The following ANK3 variants were observed in gnomAD, a reference collection of about 807,000 sequenced individuals.
ANK3 encodes ankyrin-3.
ANK3 carries 57 observed loss-of-function variants against 370.9 expected under a neutral mutation model. The observed-to-expected ratio is 0.15, with a 90% CI of 0.12 to 0.19. The LOEUF (loss-of-function observed/expected upper bound fraction) is 0.19, where lower values mean the gene tolerates loss of function less well. ANK3 is among the 10% of genes least tolerant of loss of function. The probability of loss-of-function intolerance (pLI) is 1.00; values close to 1 mark genes in which losing one functional copy is unlikely to be tolerated. For synonymous variants in ANK3, 1,929 were observed against 1,946.3 expected (o/e 0.99, Z 0.23); for missense variants, 4,439 against 5,302.1 (o/e 0.84, Z 5.06).
At chr10:60,410,704 T>C (rs966581621) in intron 2 of ANK3, among the ~76,000 whole-genome samples, 2 of 152,126 alleles carry the variant, frequency 1.3e-5, no homozygotes, top group Non-Finnish European at 2.9e-5. Flanking sequence ...TCTCAATCTG[T>C]TGCCCAAGCT....
At chr10:60,196,286 T>C (rs764970710) in intron 15 of ANK3, 43 bp from the exon 16 acceptor site, 2 of 1,553,550 alleles carry the variant, frequency 1.3e-6, no homozygotes, top group African/African-American at 2.7e-5. Context: ...CAAAGGTGTC[T>C]TAAAACCAGA....
chr10:60,539,253 T>A (rs2076792526), intron 2 of ANK3, among the ~76,000 whole-genome samples: 1 of 151,976 alleles, frequency 6.6e-6, no homozygotes, highest in South Asian at 2.1e-4. Context: ...ATAAAATTGA[T>A]CCACAGGAAG....
chr10:60,684,819 C>T (rs143906737), intron 1 of ANK3: 6 of 1,530,864 alleles, frequency 3.9e-6, no homozygotes, highest in South Asian at 1.2e-5. Context: ...CTGTTGATAT[C>T]GAAAGGATGG....
At chr10:60,422,835 G>A (rs2063805633) in intron 2 of ANK3, among the ~76,000 whole-genome samples, 1 of 152,092 alleles carries the variant, frequency 6.6e-6, no homozygotes, top group Admixed American at 6.6e-5. Flanking sequence ...TCATGTGGGA[G>A]TGATTTTCAG....
chr10:60,499,239 C>T (rs1234479040), intron 2 of ANK3, among the ~76,000 whole-genome samples: 1 of 152,146 alleles, frequency 6.6e-6, no homozygotes, highest in African/African-American at 2.4e-5. Context: ...TAATGCCATA[C>T]ACTTCACTTC....
intron 2 of ANK3, among the ~76,000 whole-genome samples, chr10:60,578,431 G>A (rs1318423081): frequency 6.6e-6 from 1 of 152,122 alleles, no homozygotes; most frequent in African/African-American, 2.4e-5. Context: ...GAACTGATGA[G>A]TCATTCCTTT....
At chr10:60,587,583 A>G (rs1232452515) in intron 2 of ANK3, among the ~76,000 whole-genome samples, 1 of 152,208 alleles carries the variant, frequency 6.6e-6, no homozygotes, top group African/African-American at 2.4e-5. Flanking sequence ...ACTCAGTGCC[A>G]ACTTAAAGAG....
intron 1 of ANK3, among the ~76,000 whole-genome samples, chr10:60,287,719 T>A (rs2040348170): frequency 6.6e-6 from 1 of 152,176 alleles, no homozygotes; most frequent in Non-Finnish European, 1.5e-5. Flanking sequence ...CAGCAAGGAA[T>A]GAAACCCAAG....
chr10:60,377,847 T>C (rs758209755), intron 1 of ANK3, among the ~76,000 whole-genome samples: 3 of 152,212 alleles, frequency 2.0e-5, no homozygotes, highest in Non-Finnish European at 4.4e-5. Flanking sequence ...ATGCGAATAA[T>C]GTCACCTTAC....
chr10:60,477,516 TAC>T (rs761752696), intron 2 of ANK3, among the ~76,000 whole-genome samples: 12,025 of 122,510 alleles, frequency 0.098, 723 homozygotes, highest in East Asian at 0.3. Context: ...CAGACAGACA[TAC>T]ACACACACAC....
chr10:60,224,685 A>C (rs1039664850), intron 8 of ANK3, among the ~76,000 whole-genome samples: 2 of 152,132 alleles, frequency 1.3e-5, no homozygotes, highest in African/African-American at 4.8e-5. Context: ...AAATAAATAC[A>C]AACTCCTCAC....
chr10:60,265,986 C>G (rs965105588), intron 5 of ANK3, among the ~76,000 whole-genome samples: 1 of 152,122 alleles, frequency 6.6e-6, no homozygotes, highest in Non-Finnish European at 1.5e-5. Flanking sequence ...TCTATGTATA[C>G]AAATCCCCTC....
intron 1 of ANK3, among the ~76,000 whole-genome samples, chr10:60,630,919 G>A (rs776577245): frequency 8.5e-5 from 13 of 152,142 alleles, no homozygotes; most frequent in Non-Finnish European, 1.5e-4. Context: ...GGTATGACTT[G>A]TGCCAAGGAC....
chr10:60,564,016 T>A (rs550433912), intron 2 of ANK3, among the ~76,000 whole-genome samples: 1 of 152,130 alleles, frequency 6.6e-6, no homozygotes. Context: ...AACATAAAAA[T>A]TTTTGTACTA....
At chr10:60,240,044 T>C (rs1252708765) in intron 7 of ANK3, among the ~76,000 whole-genome samples, 5 of 142,920 alleles carry the variant, frequency 3.5e-5, no homozygotes, top group African/African-American at 1.3e-4. Context: ...TACACATATA[T>C]ATACATATAT....
At chr10:60,230,280 G>A (rs2132521615) in intron 8 of ANK3, among the ~76,000 whole-genome samples, 1 of 152,252 alleles carries the variant, frequency 6.6e-6, no homozygotes, top group East Asian at 1.9e-4. Context: ...TTTAAAGAGG[G>A]AAGAATTCAG....
At chr10:60,047,792 A>G (rs1329305243) in intron 42 of ANK3, among the ~76,000 whole-genome samples, 1 of 152,204 alleles carries the variant, frequency 6.6e-6, no homozygotes, top group Non-Finnish European at 1.5e-5. Context: ...CTTTGCAGTT[A>G]CTGGATTTGC....
At chr10:60,414,487 C>T (rs1388627794) in intron 2 of ANK3, among the ~76,000 whole-genome samples, 1 of 152,134 alleles carries the variant, frequency 6.6e-6, no homozygotes, top group African/African-American at 2.4e-5. Context: ...AAAGGACAAG[C>T]TTGTCTAATT....
At chr10:60,172,228 A>C (rs1290403972) in intron 21 of ANK3, 80 bp downstream of exon 21, 5 of 1,111,072 alleles carry the variant, frequency 4.5e-6, no homozygotes, top group Non-Finnish European at 6.7e-6. Flanking sequence ...AATGGGAAAA[A>C]ATATTCATCT....
Sources: allele counts gnomAD v4.1 joint callset (sites outside exome capture counted in the v4.1 genomes callset), GRCh38; gene constraint gnomAD v4.1.1; transcripts MANE v1.5; gene names NCBI Gene and HGNC (gene_info 2026-07-23, HGNC 2026-07-21).